SYT14: variants seen among roughly 807,000 people sequenced by gnomAD.
SYT14 encodes the protein synaptotagmin 14.
Under a neutral mutation model 74.2 loss-of-function variants are expected in SYT14, and 32 were observed. The observed-to-expected ratio is 0.43, with a 90% confidence interval of 0.33 to 0.58. SYT14 has a LOEUF of 0.58. Among genes scored for constraint, SYT14 ranks in the 20% least tolerant of loss-of-function variants. SYT14 has a pLI of 0.05. For missense variants in SYT14, 791 were observed against 981.8 expected (o/e 0.81, Z 2.60); for synonymous variants, 298 against 337.7 (o/e 0.88, Z 1.29).
At chr1:210,133,842 T>C (rs952875714) in intron 7 of SYT14, among the ~76,000 whole-genome samples, 3 of 43,878 alleles carry the variant, frequency 6.8e-5, no homozygotes, top group African/African-American at 1.3e-4. Context: ...TATTTACTCT[T>C]TTTTTTTTTT....
intron 5 of SYT14, among the ~76,000 whole-genome samples, chr1:210,021,577 T>C (rs2080304822): frequency 6.6e-6 from 1 of 152,250 alleles, no homozygotes; most frequent in South Asian, 2.1e-4. Context: ...TTGGTTTCTC[T>C]ATACCTGTTA....
intron 2 of SYT14, chr1:209,953,021 A>G (rs1038327635): frequency 2.5e-5 from 36 of 1,417,774 alleles, no homozygotes; most frequent in African/African-American, 2.8e-5. Flanking sequence ...TGAAGAGGCA[A>G]AGAATGGAGG....
In SYT14 at chr1:210,162,752, C is replaced by T. The variant is rs536753941; in HGVS notation, c.*1710C>T. ...GGCCTTAAAAGAAACCCAAAAAGACCGTGAACTTCTGTATTTTTTTAGTTT... is the reference window on the plus strand; with the variant it reads ...GGCCTTAAAAGAAACCCAAAAAGACTGTGAACTTCTGTATTTTTTTAGTTT... On this transcript the variant is annotated 3_prime_UTR_variant, in exon 10 of 10. Transcript: ENST00000637265. 144 of 447,010 alleles carry T rather than the reference C, an allele frequency of 3.2e-4. 1 individual carries two copies. The highest frequency in any genetic ancestry group is 2.0e-3 in the South Asian group (127 of 62,444). The allele number at this position is 447,010 out of a possible 1,614,324, so 27.7% of individuals were successfully genotyped here.
At chr1:210,119,567 G>A (rs1416510970) in intron 7 of SYT14, among the ~76,000 whole-genome samples, 1 of 152,120 alleles carries the variant, frequency 6.6e-6, no homozygotes, top group Non-Finnish European at 1.5e-5. Context: ...CTATTTGAAA[G>A]TTACGTTGAA....
exon 10 of SYT14, chr1:210,163,695 A>C: frequency 2.2e-6 from 1 of 453,758 alleles, no homozygotes; most frequent in Non-Finnish European, 4.4e-6. Flanking sequence ...GACACAACTT[A>C]TAATAATTAC....
chr1:209,956,721 T>G (rs569899137), intron 2 of SYT14, among the ~76,000 whole-genome samples: 5 of 152,142 alleles, frequency 3.3e-5, no homozygotes, highest in Non-Finnish European at 7.4e-5. Context: ...TCTTACATGC[T>G]CTATATATGC....
intron 4 of SYT14, among the ~76,000 whole-genome samples, chr1:210,020,829 C>T (rs540277164): frequency 1.3e-5 from 2 of 151,900 alleles, no homozygotes; most frequent in East Asian, 3.9e-4. Flanking sequence ...TTTTTTAAAT[C>T]TGAAAATTCA....
chr1:209,939,723 A>G (rs1477763443), intron 1 of SYT14, among the ~76,000 whole-genome samples: 1 of 152,230 alleles, frequency 6.6e-6, no homozygotes, highest in East Asian at 1.9e-4. Context: ...TGAAGCCGTG[A>G]AACTCTACCA....
At chr1:209,947,662 A>G (rs1027579162) in intron 1 of SYT14, among the ~76,000 whole-genome samples, 1 of 152,222 alleles carries the variant, frequency 6.6e-6, no homozygotes, top group Non-Finnish European at 1.5e-5. Context: ...TGGAATGACA[A>G]AGGGTTTAGA....
intron 2 of SYT14, among the ~76,000 whole-genome samples, chr1:209,964,408 AT>A (rs1165599731): frequency 6.6e-6 from 1 of 152,100 alleles, no homozygotes; most frequent in South Asian, 2.1e-4. Context: ...TGTAGTTAAG[AT>A]TTTTTTCTTT....
rs150794912 is a variant in SYT14, at chr1:210,036,073, G to A, written c.1312+14819G>A. Among the ~76,000 whole-genome samples, 825 of 151,970 alleles carry A rather than the reference G, an allele frequency of 5.4e-3. 4 individuals carry two copies. Among genetic ancestry groups the A allele is most frequent in the African/African-American group, 0.018 (755 of 41,512 alleles). The stretch of plus-strand genomic sequence containing the variant: ...CTCTCCATTTGTTGGTATCATTGAC[G>A]GTTTCTTTCATTAGTGTTTGGTAGT... On this transcript the variant is annotated intron_variant, in intron 5 of 9. Transcript: ENST00000637265.
chr1:210,007,129 T>A (rs1188332200), intron 2 of SYT14, among the ~76,000 whole-genome samples: 2 of 151,874 alleles, frequency 1.3e-5, no homozygotes, highest in Non-Finnish European at 2.9e-5. Flanking sequence ...TTTTAAAAAA[T>A]TGGTATTTTT....
intron 5 of SYT14, among the ~76,000 whole-genome samples, chr1:210,086,605 A>G (rs1236860970): frequency 6.6e-6 from 1 of 152,180 alleles, no homozygotes; most frequent in East Asian, 1.9e-4. Context: ...ATTTCTTTAT[A>G]AAGAATCCTG....
intron 2 of SYT14, among the ~76,000 whole-genome samples, chr1:209,985,245 G>A (rs1480205669): frequency 6.6e-6 from 1 of 152,198 alleles, no homozygotes; most frequent in Non-Finnish European, 1.5e-5. Context: ...GATACAGTGT[G>A]GATAGAGACA....
chr1:210,015,202 T>C (rs2080158523), intron 3 of SYT14, among the ~76,000 whole-genome samples: 1 of 152,152 alleles, frequency 6.6e-6, no homozygotes, highest in Admixed American at 6.5e-5. Flanking sequence ...ACAGCTGGAT[T>C]CTCATTTCTG....
intron 5 of SYT14, among the ~76,000 whole-genome samples, chr1:210,059,451 T>TATATATAGAGAGAGAGAGAGAG (rs377050610): frequency 1.4e-4 from 10 of 69,900 alleles, no homozygotes; most frequent in Non-Finnish European, 1.7e-4. Context: ...TATATATATA[T>TATATATAGAGAGAGAGAGAGAG]AGAGAGAGAG....
At chr1:210,021,156 A>G (rs972229198) in exon 5 of SYT14, 1 of 1,614,082 alleles carries the variant, frequency 6.2e-7, no homozygotes, top group Non-Finnish European at 8.5e-7. Flanking sequence ...CCACTGGCAG[A>G]TTCTAGACAA....
chr1:210,132,049 C>G (rs1354301451), intron 7 of SYT14, among the ~76,000 whole-genome samples: 1 of 152,130 alleles, frequency 6.6e-6, no homozygotes, highest in Non-Finnish European at 1.5e-5. Context: ...AACCTGATAC[C>G]TGAACTGGCT....
intron 2 of SYT14, among the ~76,000 whole-genome samples, chr1:209,956,860 G>GTT (rs1347526325): frequency 6.6e-6 from 1 of 152,014 alleles, no homozygotes; most frequent in Admixed American, 6.5e-5. Flanking sequence ...GGGTTGTTTT[G>GTT]TTTTGTTTTG....
Sources: allele counts gnomAD v4.1 joint callset (sites outside exome capture counted in the v4.1 genomes callset), GRCh38; gene constraint gnomAD v4.1.1; transcripts MANE v1.5; gene names NCBI Gene and HGNC (gene_info 2026-07-23, HGNC 2026-07-21).